The following MAP3K7CL variants were observed in gnomAD, a reference collection of about 807,000 sequenced individuals.
MAP3K7CL encodes the protein MAP3K7 C-terminal-like protein.
Under a neutral mutation model 18.6 loss-of-function variants are expected in MAP3K7CL, and 16 were observed. That is an observed-to-expected ratio of 0.86 (90% CI 0.58 to 1.31). The LOEUF is 1.31. MAP3K7CL is among the 50% of genes most tolerant of loss of function. MAP3K7CL has a pLI of 0.00. For synonymous variants in MAP3K7CL, 65 were observed against 66.8 expected (o/e 0.97, Z 0.13); for missense variants, 163 against 174.4 (o/e 0.93, Z 0.37).
chr21:29,138,705 G>A (rs1006112161), intron 2 of MAP3K7CL, among the ~76,000 whole-genome samples: 1 of 152,124 alleles, frequency 6.6e-6, no homozygotes, highest in African/African-American at 2.4e-5. Context: ...TTTCTGGCCA[G>A]GCACGGTGGC....
At chr21:29,089,883 GAGGAAGGGAAAAAAGGAGAA>G (rs1040616920) in intron 1 of MAP3K7CL, among the ~76,000 whole-genome samples, 8 of 144,796 alleles carry the variant, frequency 5.5e-5, no homozygotes, top group African/African-American at 2.0e-4. Context: ...GAGAGGGAGG[GAGGAAGGGAAAAAAGGAGAA>G]AGGAAGGGAG....
intron 4 of MAP3K7CL, among the ~76,000 whole-genome samples, chr21:29,121,864 C>T (rs572263869): frequency 1.3e-5 from 2 of 151,792 alleles, no homozygotes; most frequent in East Asian, 3.9e-4. Context: ...TTATGAACAC[C>T]AGGCACTCAG....
chr21:29,114,706 C>T (rs1432955471), intron 4 of MAP3K7CL, among the ~76,000 whole-genome samples: 1 of 152,140 alleles, frequency 6.6e-6, no homozygotes. Context: ...TTTTAAAATT[C>T]AAAAGCAGAG....
upstream of MAP3K7CL, among the ~76,000 whole-genome samples, chr21:29,082,169 ATAT>A (rs1340566679): frequency 2.0e-5 from 3 of 152,168 alleles, no homozygotes; most frequent in African/African-American, 4.8e-5. Flanking sequence ...TTCTCTACTA[ATAT>A]TATTAAGTTC....
intron 3 of MAP3K7CL, among the ~76,000 whole-genome samples, chr21:29,150,045 A>T (rs979440883): frequency 2.6e-5 from 4 of 152,200 alleles, no homozygotes; most frequent in African/African-American, 4.8e-5. Context: ...TTTTCTCCTA[A>T]ATATTGATTT....
intron 2 of MAP3K7CL, among the ~76,000 whole-genome samples, chr21:29,143,832 T>G (rs1237582342): frequency 2.0e-5 from 3 of 152,134 alleles, no homozygotes; most frequent in African/African-American, 7.2e-5. Flanking sequence ...TAAAACCCAG[T>G]GAAGATGCTG....
chr21:29,137,044 A>G (rs1296984308), intron 2 of MAP3K7CL, among the ~76,000 whole-genome samples: 2 of 152,250 alleles, frequency 1.3e-5, no homozygotes, highest in Non-Finnish European at 2.9e-5. Context: ...CAGGGTTGTA[A>G]TAAGAAGCCA....
chr21:29,172,243 T>G (rs2087855001), intron 4 of MAP3K7CL, among the ~76,000 whole-genome samples: 2 of 10,612 alleles, frequency 1.9e-4, no homozygotes, highest in Non-Finnish European at 4.4e-4. Flanking sequence ...GTCATTTTCT[T>G]TTTTTTTTTT....
chr21:29,140,963 G>A (rs2086993433), intron 2 of MAP3K7CL, among the ~76,000 whole-genome samples: 1 of 152,106 alleles, frequency 6.6e-6, no homozygotes, highest in Admixed American at 6.6e-5. Flanking sequence ...TTTTTGTAGA[G>A]ATGGCATCTC....
intron 4 of MAP3K7CL, among the ~76,000 whole-genome samples, chr21:29,162,920 C>A (rs1207159992): frequency 2.0e-5 from 3 of 152,112 alleles, no homozygotes; most frequent in Non-Finnish European, 4.4e-5. Context: ...GCCTGGCCAA[C>A]ATGGCAAAGC....
intron 2 of MAP3K7CL, among the ~76,000 whole-genome samples, chr21:29,144,189 C>T (rs2087073653): frequency 6.6e-6 from 1 of 151,584 alleles, no homozygotes; most frequent in African/African-American, 2.4e-5. Context: ...GCTCTGTTGC[C>T]CAGGCTGGAG....
chr21:29,152,132 T>C (rs2087290214), intron 3 of MAP3K7CL, among the ~76,000 whole-genome samples: 1 of 152,230 alleles, frequency 6.6e-6, no homozygotes, highest in Non-Finnish European at 1.5e-5. Context: ...CATTTACCAG[T>C]TGTCAAGGCT....
chr21:29,138,258 T>C (rs1278992794), intron 2 of MAP3K7CL, among the ~76,000 whole-genome samples: 1 of 152,256 alleles, frequency 6.6e-6, no homozygotes, highest in Non-Finnish European at 1.5e-5. Flanking sequence ...TAATGGTAAT[T>C]CCCAGAGGCA....
intron 1 of MAP3K7CL, among the ~76,000 whole-genome samples, chr21:29,078,831 G>A (rs1203527970): frequency 6.6e-6 from 1 of 152,194 alleles, no homozygotes; most frequent in Non-Finnish European, 1.5e-5. Context: ...TGGTCCCACA[G>A]CTCCACTTAG....
intron 4 of MAP3K7CL, among the ~76,000 whole-genome samples, chr21:29,120,340 G>A (rs764160670): frequency 9.9e-5 from 15 of 152,170 alleles, no homozygotes; most frequent in Non-Finnish European, 1.6e-4. Context: ...CAGGATTTTG[G>A]TGTGTCAATG....
In MAP3K7CL at chr21:29,174,797, G is replaced by A. The variant is rs1412010723; in HGVS notation, c.334G>A (p.Glu112Lys). 6.2e-7 allele frequency: 1 copy of A among 1,614,070 alleles called. No homozygotes were observed. Among genetic ancestry groups the A allele is most frequent in the Non-Finnish European group, 8.5e-7 (1 of 1,180,034 alleles). Reference sequence around the variant, plus strand: ...GGTTCGGGAATTCGAGGCTCTGACGGAGGAGAATCGGACGTTGAGGTTGGC... The same window carrying A: ...GGTTCGGGAATTCGAGGCTCTGACGAAGGAGAATCGGACGTTGAGGTTGGC... The part of the protein sequence containing the change: ...ELVREFEALT[E>K]ENRTLRLAQS... The change falls in exon 5 of 5, where the codon GAG becomes AAG. Residue 112 changes from glutamate to lysine, a missense_variant. Physicochemically the swap from Glu to Lys is moderately conservative, Grantham distance 56. Coordinates refer to ENST00000399928, the MANE Select transcript of MAP3K7CL (RefSeq NM_001286620.2).
intron 4 of MAP3K7CL, among the ~76,000 whole-genome samples, chr21:29,166,320 G>A (rs934146929): frequency 1.3e-5 from 2 of 152,136 alleles, no homozygotes; most frequent in African/African-American, 2.4e-5. Flanking sequence ...CATCCATGTT[G>A]TTGCAAATGA....
At chr21:29,174,601 A>T in intron 4 of MAP3K7CL, 111 bp from the exon 5 acceptor site, 1 of 1,367,404 alleles carries the variant, frequency 7.3e-7, no homozygotes, top group Non-Finnish European at 9.9e-7. Flanking sequence ...ATGGGAAAAA[A>T]TTCAGAACAG....
intron 4 of MAP3K7CL, among the ~76,000 whole-genome samples, chr21:29,097,917 T>A (rs541701762): frequency 3.3e-5 from 5 of 152,320 alleles, no homozygotes; most frequent in African/African-American, 1.2e-4. Flanking sequence ...CTGTACATTC[T>A]ATAAACTGTT....
Sources: gnomAD v4.1 joint callset for allele counts (sites outside exome capture counted in the v4.1 genomes callset) on GRCh38, gnomAD v4.1.1 for gene constraint, MANE v1.5 for transcripts, NCBI Gene and HGNC (gene_info 2026-07-23, HGNC 2026-07-21) for gene names.